The following TAC1 variants were observed in gnomAD, a reference collection of about 807,000 sequenced individuals.
TAC1 encodes protachykinin-1.
Under a neutral mutation model 21.7 loss-of-function variants are expected in TAC1, and 12 were observed. The observed-to-expected ratio is 0.55, with a 90% CI of 0.35 to 0.89. The LOEUF (loss-of-function observed/expected upper bound fraction) is 0.89, where lower values mean the gene tolerates loss of function less well. Among genes scored for constraint, TAC1 ranks in the 40% least tolerant of loss-of-function variants. The probability of loss-of-function intolerance (pLI) is 0.01; values close to 1 mark genes in which losing one functional copy is unlikely to be tolerated. For missense variants in TAC1, 128 were observed against 151.4 expected, an observed-to-expected ratio of 0.85 and a Z score of 0.81; for synonymous variants, 52 against 52.0, an observed-to-expected ratio of 1.00 and a Z score of 0.00.
rs1429928619 is a variant in TAC1, at chr7:97,732,703, T to C, written c.91T>C (p.Trp31Arg). 6.2e-7 allele frequency: 1 copy of C among 1,614,100 alleles called. No individual in the cohort carries two copies. Among genetic ancestry groups the C allele is most frequent in the Admixed American group, 1.7e-5 (1 of 60,018 alleles). Residue 31 changes from tryptophan to arginine, a missense_variant, in exon 2 of 7, where the codon TGG (tryptophan) becomes CGG (arginine). By Grantham distance (101) the Trp-to-Arg change is moderately radical (BLOSUM62 -3). Transcript: ENST00000319273. This position sits in a 1 kb window ranked among gnomAD's most constrained non-coding sequence, Gnocchi z 6.2. ...AGGAGCCAATGATGATCTGAATTAC[T>C]GGTCCGACTGGTACGACAGCGACCA... ...EIGANDDLNY[W>R]SDWYDSDQIK...
intron 6 of TAC1, among the ~76,000 whole-genome samples, chr7:97,737,893 T>A (rs1276287160): frequency 6.6e-6 from 1 of 152,072 alleles, no homozygotes; most frequent in Non-Finnish European, 1.5e-5. Flanking sequence ...TGTAGTTTTC[T>A]TGATAATCAT....
At chr7:97,737,813 T>G (rs992247486) in intron 6 of TAC1, among the ~76,000 whole-genome samples, 16 of 152,036 alleles carry the variant, frequency 1.1e-4, no homozygotes, top group Admixed American at 1.3e-4. Flanking sequence ...TTCCCACTTT[T>G]GGAAATGAAA....
At chr7:97,734,560 T>C (rs1452486797) in intron 4 of TAC1, among the ~76,000 whole-genome samples, 3 of 152,058 alleles carry the variant, frequency 2.0e-5, no homozygotes, top group African/African-American at 4.8e-5. Flanking sequence ...TACAGTCTTA[T>C]AGTTAATAAG....
intron 6 of TAC1, among the ~76,000 whole-genome samples, chr7:97,739,140 T>TA (rs1789643982): frequency 6.6e-6 from 1 of 151,906 alleles, no homozygotes; most frequent in South Asian, 2.1e-4. Context: ...AGTGAAAAGT[T>TA]AAACAGTATG....
At position 97,733,708 on chromosome 7, in the gene TAC1, G is replaced by A; in HGVS notation, c.124-15G>A. 1 of 1,613,856 alleles carries A rather than the reference G, an allele frequency of 6.2e-7. No homozygotes were observed. On this transcript the variant is annotated splice_polypyrimidine_tract_variant and intron_variant, in intron 2 of 6. Coordinates refer to ENST00000319273, the MANE Select transcript of TAC1 (RefSeq NM_003182.3). ...GTTGCCTTACACGCCCTTTGTCCGT[G>A]CTTTTGTCTCCCAGGAGGAACTGCC...
chr7:97,732,661 C>T lies in TAC1; in HGVS notation c.49C>T (p.Leu17=). ...LAVFFLVSTQ[L]FAEEIGANDD... ...AGTCTTTTTTCTTGTCTCCACTCAG[C>T]TGTTTGCAGAAGAAATAGGAGCCAA... Residue 17 remains leucine (L), a synonymous_variant, in exon 2 of 7, where the codon CTG becomes TTG. Transcript: ENST00000319273. This position sits in a 1 kb window ranked among gnomAD's most constrained non-coding sequence, Gnocchi z 6.2. The T allele has an allele frequency of 1.2e-6, 2 of 1,614,118 alleles. No homozygotes were observed. The highest frequency in any genetic ancestry group is 1.7e-6 in the Non-Finnish European group (2 of 1,180,026).
chr7:97,733,055 G>T lies in TAC1; in HGVS notation c.123+320G>T, dbSNP rs1789471841. On this transcript the variant is annotated intron_variant, in intron 2 of 6. Coordinates refer to ENST00000319273, the MANE Select transcript of TAC1 (RefSeq NM_003182.3). ...TTCATCCCCCAGGACCTGGGATTTCGGGGGCTCCGGTCCAGCTGCACTGCC... is the reference window on the plus strand; with the variant it reads ...TTCATCCCCCAGGACCTGGGATTTCTGGGGCTCCGGTCCAGCTGCACTGCC... 1.2e-5 allele frequency: 3 copies of T among 255,986 alleles called. No homozygotes were observed. The South Asian group carries it at 2.3e-4, about 19-fold the overall frequency. The allele number at this position is 255,986 out of a possible 1,614,324, so 15.9% of individuals were successfully genotyped here.
chr7:97,733,899 C>T (rs1045745840), intron 3 of TAC1, 80 bp downstream of exon 3: 80 of 1,369,616 alleles, frequency 5.8e-5, no homozygotes, highest in Admixed American at 1.4e-4. Flanking sequence ...CCCAGGGTCT[C>T]TCGCTCTGAA....
intron 2 of TAC1, 113 bp from the exon 3 acceptor site, chr7:97,733,610 A>C: frequency 1.0e-6 from 1 of 957,886 alleles, no homozygotes; most frequent in Non-Finnish European, 1.6e-6. Flanking sequence ...AGCGTGGGGA[A>C]GGCCGCCTCC....
rs115333839 is a variant in TAC1, at chr7:97,738,585, C to T, written c.344-1289C>T. Among the ~76,000 whole-genome samples the T allele has an allele frequency of 5.4e-3, 820 of 152,070 alleles. 8 individuals carry two copies. Among genetic ancestry groups the T allele is most frequent in the South Asian group, 0.036 (172 of 4,822 alleles). ...CCCTCACGCCTGTCCAGTGTTGGCTCAGACTGTTCTGCCTCACAAGTGCAT... is the reference window on the plus strand; with the variant it reads ...CCCTCACGCCTGTCCAGTGTTGGCTTAGACTGTTCTGCCTCACAAGTGCAT... On this transcript the variant is annotated intron_variant, in intron 6 of 6. Coordinates refer to ENST00000319273, the MANE Select transcript of TAC1 (RefSeq NM_003182.3).
At chr7:97,739,744 T>C in intron 6 of TAC1, 130 bp from the exon 7 acceptor site, 1 of 575,696 alleles carries the variant, frequency 1.7e-6, no homozygotes. Flanking sequence ...ATAACATTCT[T>C]AGAAATACTT....
chr7:97,736,338 G>C lies in TAC1; in HGVS notation c.329G>C (p.Arg110Thr). Reference sequence around the variant, plus strand: ...TCCTTTGTTGGACTAATGGGCAAAAGAGCTTTAAATTCTGGTATGTATGAA... The same window carrying C: ...TCCTTTGTTGGACTAATGGGCAAAACAGCTTTAAATTCTGGTATGTATGAA... ...TDSFVGLMGK[R>T]ALNSVAYERS... is the part of the protein sequence containing the mutation. The change falls in exon 6 of 7, where the codon AGA (arginine) becomes ACA (threonine). Residue 110 changes from arginine to threonine, a missense_variant. Transcript: ENST00000319273. 6.2e-7 allele frequency: 1 copy of C among 1,611,320 alleles called. No homozygotes were observed. Among genetic ancestry groups the C allele is most frequent in the East Asian group, 2.2e-5 (1 of 44,656 alleles).
rs1789485775 is a variant in TAC1 at position 97,733,584 on chromosome 7, G to A, written c.124-139G>A. The A allele has an allele frequency of 9.8e-6, 7 of 712,570 alleles. No homozygotes were observed. The South Asian group carries it at 1.3e-4, about 13-fold the overall frequency. The allele number at this position is 712,570 out of a possible 1,614,324, so 44.1% of individuals were successfully genotyped here. ...CGCAGAGAGGCAGCGCCTCGGGAGG[G>A]ACCCCGCTCAGCCCGAGCGTGGGGA... On this transcript the variant is annotated intron_variant, in intron 2 of 6. Transcript: ENST00000319273.
At chr7:97,736,208 CAT>C in intron 5 of TAC1, 89 bp from the exon 6 acceptor site, 1 of 1,025,986 alleles carries the variant, frequency 9.7e-7, no homozygotes, top group Non-Finnish European at 1.4e-6. Context: ...ATTATACAGA[CAT>C]ATATTCAGAA....
chr7:97,734,205 G>C lies in TAC1; in HGVS notation c.221-43G>C, dbSNP rs746888638. Reference sequence around the variant, plus strand: ...TATCGTTTCCTTGAATTCATCGCACGGTCAGTGGAACATGTAGTTAATGAC... The same window carrying C: ...TATCGTTTCCTTGAATTCATCGCACCGTCAGTGGAACATGTAGTTAATGAC... On this transcript the variant is annotated intron_variant, in intron 3 of 6. Coordinates refer to ENST00000319273, the MANE Select transcript of TAC1 (RefSeq NM_003182.3). 9 of 1,581,480 alleles carry C rather than the reference G, an allele frequency of 5.7e-6. No individual in the cohort carries two copies. In the South Asian group the frequency reaches 7.8e-5, roughly 14 times the overall value.
At position 97,732,755 on chromosome 7, in the gene TAC1, C is replaced by G. The variant is rs1339695909; in HGVS notation, c.123+20C>G. 4.4e-6 allele frequency: 7 copies of G among 1,607,886 alleles called. No homozygotes were observed. The highest frequency in any genetic ancestry group is 5.9e-6 in the Non-Finnish European group (7 of 1,176,964). ...ATCAAGGTGAGGCCCCTTCCCAGGACGGCCCGCACCCTTCTTCCTGGGCTC... is the reference window on the plus strand; with the variant it reads ...ATCAAGGTGAGGCCCCTTCCCAGGAGGGCCCGCACCCTTCTTCCTGGGCTC... On this transcript the variant is annotated intron_variant, in intron 2 of 6. Transcript: ENST00000319273. This position sits in a 1 kb window ranked among gnomAD's most constrained non-coding sequence, Gnocchi z 6.2.
chr7:97,734,421 C>G, intron 4 of TAC1, 129 bp downstream of exon 4: 2 of 761,396 alleles, frequency 2.6e-6, no homozygotes, highest in Non-Finnish European at 2.1e-6. Flanking sequence ...GATTTGCGCA[C>G]TCTCTCTCGG....
chr7:97,732,984 C>A lies in TAC1; in HGVS notation c.123+249C>A. ...GAACTCCCTGCAGTAGGGATGCCCTCCCGGATGAGCCCGAGATCCTCACAA... is the reference window on the plus strand; with the variant it reads ...GAACTCCCTGCAGTAGGGATGCCCTACCGGATGAGCCCGAGATCCTCACAA... On this transcript the variant is annotated intron_variant, in intron 2 of 6. Transcript: ENST00000319273. The surrounding 1 kb of genome is among the most constrained non-coding windows in gnomAD (Gnocchi z 6.2). The A allele has an allele frequency of 1.5e-5, 6 of 388,416 alleles. No homozygotes were observed. The highest frequency in any genetic ancestry group is 1.1e-4 in the South Asian group (2 of 18,418). 24.1% of individuals were successfully genotyped at this position (388,416 alleles called of 1,614,324 possible).
intron 3 of TAC1, 75 bp from the exon 4 acceptor site, chr7:97,734,173 A>G: frequency 7.0e-7 from 1 of 1,424,728 alleles, no homozygotes; most frequent in Admixed American, 1.7e-5. Context: ...TTGTCTTGGG[A>G]TAGAAATATC....
Sources: allele counts gnomAD v4.1 joint callset (sites outside exome capture counted in the v4.1 genomes callset), GRCh38; gene constraint gnomAD v4.1.1; non-coding constraint Gnocchi (gnomAD v3.1); transcripts MANE v1.5; gene names NCBI Gene and HGNC (gene_info 2026-07-23, HGNC 2026-07-21).